ZNF507: variants seen among roughly 807,000 people sequenced by gnomAD.
ZNF507 encodes the protein zinc finger protein 507.
A neutral mutation model predicts 80.0 loss-of-function variants in ZNF507; 29 were observed. That is an observed-to-expected ratio of 0.36 (90% CI 0.27 to 0.49). ZNF507 has a LOEUF of 0.49. ZNF507 is among the 20% of genes least tolerant of loss of function. ZNF507 has a pLI of 0.98. For synonymous variants in ZNF507, 462 were observed against 422.5 expected, an observed-to-expected ratio of 1.09 and a Z score of -1.15; for missense variants, 1,081 against 1,152.2, an observed-to-expected ratio of 0.94 and a Z score of 0.90.
At position 32,384,563 on chromosome 19, in the gene ZNF507, T is replaced by G. The variant is rs903572089; in HGVS notation, c.*1480T>G. 1 of 152,200 alleles carries G rather than the reference T, an allele frequency of 6.6e-6. No individual in the cohort carries two copies. The highest frequency in any genetic ancestry group is 2.4e-5 in the African/African-American group (1 of 41,450). 9.4% of individuals were successfully genotyped at this position (152,200 alleles called of 1,614,324 possible). A position where few individuals can be genotyped will look rare whatever the true frequency, so the allele number is the denominator to read the frequency against. On this transcript the variant is annotated 3_prime_UTR_variant, in exon 7 of 7. Transcript: ENST00000355898. ...GCTGTGACCGATCAACTTGGAACAC[T>G]GTAAAGGTTTTCGAATGGGATACGC...
chr19:32,382,671 A>G, intron 6 of ZNF507, 46 bp from the exon 7 acceptor site: 2 of 1,611,254 alleles, frequency 1.2e-6, no homozygotes, highest in Non-Finnish European at 1.7e-6. Context: ...TACTAGTCCT[A>G]CATTGTAGCC....
At chr19:32,376,854 G>A (rs191821258) in intron 5 of ZNF507, among the ~76,000 whole-genome samples, 207 of 152,262 alleles carry the variant, frequency 1.4e-3, no homozygotes, top group African/African-American at 4.7e-3. Flanking sequence ...AGGTCACATG[G>A]GTCACGTGTC....
rs201907520 is a variant in ZNF507, at chr19:32,353,823, G to T, written c.993G>T (p.Gln331His). Residue 331 changes from glutamine to histidine, a missense_variant, in exon 3 of 7, where the codon CAG becomes CAT. Coordinates refer to ENST00000355898, the MANE Select transcript of ZNF507 (RefSeq NM_001136156.2). ...SVQVQICSSEQLSSSSPLEQS... is the reference protein window; with the variant it reads ...SVQVQICSSEHLSSSSPLEQS... ...AAGTGCAGATTTGCAGCTCAGAACAGTTATCATCTTCATCTCCTTTAGAAC... is the reference window on the plus strand; with the variant it reads ...AAGTGCAGATTTGCAGCTCAGAACATTTATCATCTTCATCTCCTTTAGAAC... The T allele has an allele frequency of 9.5e-5, 153 of 1,614,214 alleles. 1 individual carries two copies. In the Admixed American group the frequency reaches 2.0e-3, roughly 21 times the overall value.
Position 32,354,513 on chromosome 19 carries a change from C to T in ZNF507, c.1683C>T (p.Asn561=), listed in dbSNP as rs147393505. 29 of 1,614,106 alleles carry T rather than the reference C, an allele frequency of 1.8e-5. No individual in the cohort carries two copies. Among genetic ancestry groups the T allele is most frequent in the Non-Finnish European group, 2.4e-5 (28 of 1,180,050 alleles). Residue 561 remains asparagine, a synonymous_variant, in exon 3 of 7, where the codon AAC becomes AAT. Transcript: ENST00000355898. ...GATTAACTAGTCTTAACCAAAGCAACTCCACCTTGGTAGCACTCCCAGAGG... is the reference window on the plus strand; with the variant it reads ...GATTAACTAGTCTTAACCAAAGCAATTCCACCTTGGTAGCACTCCCAGAGG... ...SDGLTSLNQS[N]STLVALPEGR...
intron 5 of ZNF507, among the ~76,000 whole-genome samples, chr19:32,366,007 C>G (rs938548534): frequency 3.3e-5 from 5 of 152,098 alleles, no homozygotes; most frequent in African/African-American, 1.2e-4. Context: ...TATTATTACG[C>G]CTTTTCTTCC....
rs1967284665 is a variant in ZNF507, at chr19:32,358,810, A to G, written c.2246-1694A>G. 2.0e-5 allele frequency: 3 copies of G among 152,192 alleles called. No individual in the cohort carries two copies. The South Asian group carries it at 6.2e-4, about 32-fold the overall frequency. The allele number at this position is 152,192 out of a possible 1,614,324, so 9.4% of individuals were successfully genotyped here. ...GACTTTGCTAAAGGAAAAATATAGG[A>G]CTTACTAAACTATGCTGTGAGGTTC... On this transcript the variant is annotated intron_variant, in intron 4 of 6. Coordinates refer to ENST00000355898, the MANE Select transcript of ZNF507 (RefSeq NM_001136156.2).
intron 5 of ZNF507, among the ~76,000 whole-genome samples, chr19:32,377,888 T>G (rs1471640316): frequency 6.7e-6 from 1 of 150,100 alleles, no homozygotes; most frequent in African/African-American, 2.5e-5. Context: ...CAGGGGTGAG[T>G]TCTCCTGAGA....
intron 2 of ZNF507, among the ~76,000 whole-genome samples, chr19:32,349,443 A>G (rs1219110366): frequency 6.6e-6 from 1 of 152,226 alleles, no homozygotes; most frequent in East Asian, 1.9e-4. Context: ...AGAGCTCTTC[A>G]GTATCTTTCA....
At chr19:32,374,580 C>T (rs1405208008) in intron 5 of ZNF507, among the ~76,000 whole-genome samples, 1 of 151,328 alleles carries the variant, frequency 6.6e-6, no homozygotes, top group Non-Finnish European at 1.5e-5. Flanking sequence ...CTCCCGGGTT[C>T]AAGAGATTCT....
chr19:32,370,412 T>C (rs1375003647), intron 5 of ZNF507, among the ~76,000 whole-genome samples: 1 of 152,250 alleles, frequency 6.6e-6, no homozygotes, highest in African/African-American at 2.4e-5. Flanking sequence ...TATTCTCTCT[T>C]TTGTCTTTGA....
chr19:32,368,898 C>T (rs1967433994), intron 5 of ZNF507, among the ~76,000 whole-genome samples: 1 of 152,214 alleles, frequency 6.6e-6, no homozygotes, highest in Non-Finnish European at 1.5e-5. Flanking sequence ...CACCCCAAAT[C>T]TTGTAGGACA....
rs1386100519 is a variant in ZNF507, at chr19:32,353,825, TATC to T, written c.999_1001del (p.Ser336del). The T allele has an allele frequency of 1.9e-6, 3 of 1,614,088 alleles. No homozygotes were observed. Among genetic ancestry groups the T allele is most frequent in the African/African-American group, 1.3e-5 (1 of 74,910 alleles). On this transcript the variant is annotated inframe_deletion, in exon 3 of 7. Coordinates refer to ENST00000355898, the MANE Select transcript of ZNF507 (RefSeq NM_001136156.2). ...GTGCAGATTTGCAGCTCAGAACAGT[TATC>T]ATCTTCATCTCCTTTAGAACAGAGT...
intron 5 of ZNF507, among the ~76,000 whole-genome samples, chr19:32,379,308 T>G (rs933218370): frequency 2.6e-5 from 4 of 152,212 alleles, no homozygotes; most frequent in Admixed American, 1.3e-4. Context: ...GAATTAAGGT[T>G]AGGGTTTTTT....
rs1967646120 is a variant in ZNF507, at chr19:32,383,113, TAGAAG to T, written c.*33_*37del. On this transcript the variant is annotated 3_prime_UTR_variant, in exon 7 of 7. Coordinates refer to ENST00000355898, the MANE Select transcript of ZNF507 (RefSeq NM_001136156.2). ...AATAATGACTCGAGCAGGAAAGCAG[TAGAAG>T]AGGATTCCTTCACCACAGTTTCACC... 1 of 1,591,294 alleles carries T rather than the reference TAGAAG, an allele frequency of 6.3e-7. No homozygotes were observed. Among genetic ancestry groups the T allele is most frequent in the African/African-American group, 1.3e-5 (1 of 74,352 alleles).
intron 2 of ZNF507, among the ~76,000 whole-genome samples, chr19:32,349,722 G>C (rs1967138476): frequency 1.3e-5 from 2 of 152,278 alleles, no homozygotes; most frequent in East Asian, 3.9e-4. Flanking sequence ...AAAGTTGAAG[G>C]ATTGGCCTTA....
chr19:32,382,732 C>T lies in ZNF507; in HGVS notation c.2511C>T (p.Ser837=), dbSNP rs769396647. 6.8e-6 allele frequency: 11 copies of T among 1,612,204 alleles called. No individual in the cohort carries two copies. Among genetic ancestry groups the T allele is most frequent in the Non-Finnish European group, 9.3e-6 (11 of 1,179,002 alleles). Residue 837 remains serine, a synonymous_variant, in exon 7 of 7, where the codon TCC becomes TCT. Transcript: ENST00000355898. ...ISQSGRVLGK[S]PGKTQLKSSE... Reference sequence around the variant, plus strand: ...TGTTTTTAAGAGTTCTGGGGAAATCCCCTGGAAAGACTCAATTAAAGAGCA... The same window carrying T: ...TGTTTTTAAGAGTTCTGGGGAAATCTCCTGGAAAGACTCAATTAAAGAGCA...
chr19:32,375,699 T>G (rs1268527509), intron 5 of ZNF507, among the ~76,000 whole-genome samples: 1 of 152,242 alleles, frequency 6.6e-6, no homozygotes, highest in Non-Finnish European at 1.5e-5. Context: ...TAATTGAAAC[T>G]GGATGGTACG....
chr19:32,356,308 C>G (rs1568304296), intron 3 of ZNF507, among the ~76,000 whole-genome samples: 1 of 152,136 alleles, frequency 6.6e-6, no homozygotes, highest in Non-Finnish European at 1.5e-5. Flanking sequence ...ACACTCTGCT[C>G]GTTCCTCCTC....
intron 5 of ZNF507, among the ~76,000 whole-genome samples, chr19:32,381,240 C>T (rs1967618783): frequency 1.3e-5 from 2 of 152,094 alleles, no homozygotes; most frequent in South Asian, 4.1e-4. Context: ...AGGTGGAGTA[C>T]AGGGCATTTT....
Sources: allele counts gnomAD v4.1 joint callset (sites outside exome capture counted in the v4.1 genomes callset), GRCh38; gene constraint gnomAD v4.1.1; transcripts MANE v1.5; gene names NCBI Gene and HGNC (gene_info 2026-07-23, HGNC 2026-07-21).